RPH3A: variants seen among roughly 807,000 people sequenced by gnomAD.
RPH3A encodes rabphilin 3A.
In RPH3A, 48 loss-of-function variants were observed where a neutral mutation model predicts 102.2. That is an observed-to-expected ratio of 0.47 (90% CI 0.37 to 0.60). The LOEUF (loss-of-function observed/expected upper bound fraction) is 0.60. Ranked by LOEUF, RPH3A falls within the 20% of genes least tolerant of loss-of-function variation. RPH3A has a pLI of 0.00. For missense variants in RPH3A, 781 were observed against 910.1 expected (o/e 0.86, Z 1.83); for synonymous variants, 310 against 324.3 (o/e 0.96, Z 0.47).
At chr12:112,818,319 A>G (rs1051215072) in intron 2 of RPH3A, among the ~76,000 whole-genome samples, 1 of 151,362 alleles carries the variant, frequency 6.6e-6, no homozygotes, top group African/African-American at 2.4e-5. Context: ...AAAAAAAAAA[A>G]AAAAAAAAAA....
At chr12:112,667,660 TAAAGAGAGAGAGAGAGAGAGAGAG>T in intron 1 of RPH3A, among the ~76,000 whole-genome samples, 1 of 82,878 alleles carries the variant, frequency 1.2e-5, no homozygotes, top group East Asian at 4.2e-4. Context: ...CAGAGATGAA[TAAAGAGAGAGAGAGAGAGAGAGAG>T]AGAGAGAGAG....
At chr12:112,809,252 A>C (rs1332832579) in intron 2 of RPH3A, among the ~76,000 whole-genome samples, 1 of 152,078 alleles carries the variant, frequency 6.6e-6, no homozygotes, top group Non-Finnish European at 1.5e-5. Context: ...GTCAGTGGGG[A>C]GTTCATGAGG....
At chr12:112,599,256 C>T (rs1398252749) in intron 1 of RPH3A, among the ~76,000 whole-genome samples, 2 of 152,146 alleles carry the variant, frequency 1.3e-5, no homozygotes, top group Non-Finnish European at 2.9e-5. Flanking sequence ...GTGCTGGGTG[C>T]TTATAAGGCT....
intron 1 of RPH3A, among the ~76,000 whole-genome samples, chr12:112,641,170 GGTCATCATTTAACTTCTGCTGCTTGCA>G (rs1165421083): frequency 4.6e-5 from 7 of 152,208 alleles, no homozygotes; most frequent in African/African-American, 1.7e-4. Flanking sequence ...ATTTTGAAAA[GGTCATCATTTAACTTCTGCTGCTTGCA>G]GTCAGCCTGC....
At chr12:112,575,770 G>A (rs1384223363) in intron 1 of RPH3A, among the ~76,000 whole-genome samples, 1 of 152,146 alleles carries the variant, frequency 6.6e-6, no homozygotes, top group Admixed American at 6.5e-5. Flanking sequence ...AGGAAGACGG[G>A]AAACTCAGAA....
At chr12:112,589,646 C>T (rs2039462585) in intron 1 of RPH3A, among the ~76,000 whole-genome samples, 1 of 152,234 alleles carries the variant, frequency 6.6e-6, no homozygotes, top group African/African-American at 2.4e-5. Flanking sequence ...TTTTTAATCA[C>T]AACAATGAAC....
At chr12:112,641,553 C>T (rs769198910) in intron 1 of RPH3A, among the ~76,000 whole-genome samples, 1 of 152,134 alleles carries the variant, frequency 6.6e-6, no homozygotes, top group Non-Finnish European at 1.5e-5. Context: ...CACGCCACCA[C>T]ACCTGGCTAA....
chr12:112,593,410 G>A (rs1160817754), intron 1 of RPH3A, among the ~76,000 whole-genome samples: 1 of 152,184 alleles, frequency 6.6e-6, no homozygotes, highest in Non-Finnish European at 1.5e-5. Flanking sequence ...GTAAACTTTT[G>A]TTGTGTTAAG....
At chr12:112,709,983 CT>C (rs891793337) in intron 1 of RPH3A, among the ~76,000 whole-genome samples, 2 of 151,340 alleles carry the variant, frequency 1.3e-5, no homozygotes, top group Admixed American at 6.6e-5. Context: ...TGCCTTTTTT[CT>C]TTTTTTTTGA....
intron 1 of RPH3A, among the ~76,000 whole-genome samples, chr12:112,717,756 A>C (rs1329331058): frequency 2.6e-5 from 4 of 151,180 alleles, no homozygotes; most frequent in Admixed American, 6.6e-5. Context: ...AATACCAATG[A>C]ATAGGATTGC....
chr12:112,695,401 A>T (rs2136025455), intron 1 of RPH3A, among the ~76,000 whole-genome samples: 1 of 152,380 alleles, frequency 6.6e-6, no homozygotes, highest in East Asian at 1.9e-4. Flanking sequence ...CACATTTAAA[A>T]AAATCTTTTT....
At chr12:112,832,696 A>G (rs2041989370) in intron 3 of RPH3A, among the ~76,000 whole-genome samples, 1 of 152,310 alleles carries the variant, frequency 6.6e-6, no homozygotes, top group Non-Finnish European at 1.5e-5. Context: ...TAAAAAAATT[A>G]GCTGGATGTT....
chr12:112,661,125 G>A (rs79754842), intron 1 of RPH3A, among the ~76,000 whole-genome samples: 4,625 of 152,168 alleles, frequency 0.03, 176 homozygotes, highest in South Asian at 0.11. Context: ...TATGGAATGC[G>A]TCATCTAGAT....
intron 1 of RPH3A, among the ~76,000 whole-genome samples, chr12:112,649,169 T>C (rs1245378743): frequency 1.3e-5 from 2 of 152,244 alleles, no homozygotes; most frequent in Non-Finnish European, 2.9e-5. Context: ...TGATGTAGAA[T>C]AGACCAGATC....
chr12:112,608,617 C>G (rs1375342859), intron 1 of RPH3A, among the ~76,000 whole-genome samples: 1 of 152,210 alleles, frequency 6.6e-6, no homozygotes, highest in Admixed American at 6.5e-5. Flanking sequence ...GATGCCACGA[C>G]TTAAGACCTG....
intron 1 of RPH3A, among the ~76,000 whole-genome samples, chr12:112,724,830 G>A (rs916908081): frequency 1.3e-5 from 2 of 151,696 alleles, no homozygotes; most frequent in African/African-American, 2.4e-5. Context: ...TTAGCCAGGC[G>A]TGGTGACACA....
rs73425035 is a variant in RPH3A at position 112,794,247 on chromosome 12, G to A, written c.-19+1984G>A. On this transcript the variant is annotated intron_variant, in intron 2 of 21. Coordinates refer to ENST00000389385, the MANE Select transcript of RPH3A (RefSeq NM_001143854.2). ...TCTGGGCCTCAGCTTCCCCATCTAT[G>A]CAATGGGGCAGTCTGTCTGGGTGGC... Among the ~76,000 whole-genome samples the A allele has an allele frequency of 7.1e-3, 1,083 of 152,314 alleles. 13 individuals carry two copies. The highest frequency in any genetic ancestry group is 0.025 in the African/African-American group (1,024 of 41,562).
chr12:112,712,895 TTCTTCTTCC>T (rs1271926044), intron 1 of RPH3A, among the ~76,000 whole-genome samples: 30 of 132,568 alleles, frequency 2.3e-4, no homozygotes, highest in African/African-American at 8.2e-4. Context: ...CTTCTTCTTC[TTCTTCTTCC>T]TCTTCTTCTT....
intron 1 of RPH3A, among the ~76,000 whole-genome samples, chr12:112,713,045 TCTTCTC>T (rs879898401): frequency 0.046 from 3,562 of 77,164 alleles, 238 homozygotes; most frequent in African/African-American, 0.069. Flanking sequence ...TTCTTCTTCT[TCTTCTC>T]CTTCTTCTTC....
Sources: allele counts gnomAD v4.1 joint callset (sites outside exome capture counted in the v4.1 genomes callset), GRCh38; gene constraint gnomAD v4.1.1; transcripts MANE v1.5; gene names NCBI Gene and HGNC (gene_info 2026-07-23, HGNC 2026-07-21).